KCNQ3: variants seen among roughly 807,000 people sequenced by gnomAD.
The protein encoded by KCNQ3 is potassium voltage-gated channel subfamily Q member 3, also known as potassium voltage-gated channel subfamily KQT member 3.
Under a neutral mutation model 92.5 loss-of-function variants are expected in KCNQ3, and 30 were observed. The observed-to-expected ratio is 0.32, with a 90% CI of 0.24 to 0.44. KCNQ3 has a LOEUF of 0.44. Ranked by LOEUF, KCNQ3 falls within the 20% of genes least tolerant of loss-of-function variation. The pLI is 1.00. For missense variants in KCNQ3, 913 were observed against 1,140.3 expected (o/e 0.80, Z 2.87); for synonymous variants, 450 against 468.8 (o/e 0.96, Z 0.52).
chr8:132,217,284 CTTCA>C, intron 1 of KCNQ3, among the ~76,000 whole-genome samples: 1 of 152,120 alleles, frequency 6.6e-6, no homozygotes, highest in Admixed American at 6.5e-5. Flanking sequence ...AATCAAACTA[CTTCA>C]TTCATTCATT....
intron 1 of KCNQ3, among the ~76,000 whole-genome samples, chr8:132,328,473 C>T (rs1034095461): frequency 5.3e-5 from 8 of 152,122 alleles, no homozygotes; most frequent in African/African-American, 7.2e-5. Context: ...CCCCTGAGTT[C>T]CACCTGACAC....
chr8:132,314,520 G>C (rs978826391), intron 1 of KCNQ3, among the ~76,000 whole-genome samples: 3 of 152,124 alleles, frequency 2.0e-5, no homozygotes, highest in Admixed American at 6.5e-5. Flanking sequence ...AGTAATAAGA[G>C]GGGCCTTGCC....
chr8:132,413,101 C>A (rs1054275391), intron 1 of KCNQ3, among the ~76,000 whole-genome samples: 2 of 152,188 alleles, frequency 1.3e-5, no homozygotes, highest in African/African-American at 4.8e-5. Flanking sequence ...AACTTATCTC[C>A]CATTTCCAAG....
rs184474093 is a variant in KCNQ3, at chr8:132,178,652, C to A, written c.777+1505G>T. Among the ~76,000 whole-genome samples the A allele has an allele frequency of 1.1e-4, 16 of 152,142 alleles. No homozygotes were observed. The East Asian group carries it at 3.1e-3, about 30-fold the overall frequency. ...CAAGTTGCTGTCTGACTCTCAAGCT[C>A]ATATTCTACTCCGAGATGCAATCTC... is the stretch of plus-strand genomic sequence containing the variant. On this transcript the variant is annotated intron_variant, in intron 4 of 14. Coordinates refer to ENST00000388996, the MANE Select transcript of KCNQ3 (RefSeq NM_004519.4).
At chr8:132,195,856 A>G (rs1045550261) in intron 1 of KCNQ3, among the ~76,000 whole-genome samples, 2 of 152,228 alleles carry the variant, frequency 1.3e-5, no homozygotes, top group Admixed American at 1.3e-4. Flanking sequence ...AACTAGAGCT[A>G]GGGTGGCTAT....
intron 9 of KCNQ3, among the ~76,000 whole-genome samples, chr8:132,156,104 T>G (rs1408679654): frequency 6.6e-6 from 1 of 152,042 alleles, no homozygotes; most frequent in Non-Finnish European, 1.5e-5. Context: ...ATTATTTTCT[T>G]CCGGTCTCAT....
chr8:132,265,952 C>T (rs1815967046), intron 1 of KCNQ3, among the ~76,000 whole-genome samples: 1 of 152,154 alleles, frequency 6.6e-6, no homozygotes, highest in Non-Finnish European at 1.5e-5. Context: ...CCCCTGGTGG[C>T]AGGCAAGATA....
intron 1 of KCNQ3, among the ~76,000 whole-genome samples, chr8:132,477,249 A>C (rs542909004): frequency 6.6e-6 from 1 of 152,290 alleles, no homozygotes; most frequent in African/African-American, 2.4e-5. Flanking sequence ...TTGAGGCAAA[A>C]GAAACAAGGT....
chr8:132,462,952 A>C (rs1341680151), intron 1 of KCNQ3, among the ~76,000 whole-genome samples: 1 of 152,020 alleles, frequency 6.6e-6, no homozygotes, highest in East Asian at 1.9e-4. Context: ...ACACACACAC[A>C]CGTATACATA....
chr8:132,433,780 C>T (rs1293203867), intron 1 of KCNQ3, among the ~76,000 whole-genome samples: 1 of 152,166 alleles, frequency 6.6e-6, no homozygotes, highest in Non-Finnish European at 1.5e-5. Context: ...ATTCCAGCTA[C>T]TCAGGAGACT....
intron 1 of KCNQ3, among the ~76,000 whole-genome samples, chr8:132,225,751 C>G (rs544347853): frequency 2.0e-5 from 3 of 152,178 alleles, no homozygotes; most frequent in Admixed American, 6.5e-5. Flanking sequence ...TATTTACCAG[C>G]AGGTCACTAC....
chr8:132,407,861 C>T (rs543707663), intron 1 of KCNQ3, among the ~76,000 whole-genome samples: 5 of 152,232 alleles, frequency 3.3e-5, no homozygotes, highest in African/African-American at 1.2e-4. Context: ...CTCAAGCAGC[C>T]CCCAGACCAC....
intron 1 of KCNQ3, among the ~76,000 whole-genome samples, chr8:132,188,673 T>C (rs570452210): frequency 6.6e-6 from 1 of 152,368 alleles, no homozygotes; most frequent in Non-Finnish European, 1.5e-5. Flanking sequence ...GTCCCAGACA[T>C]AGTACTGGTT....
chr8:132,403,356 A>G (rs1353188682), intron 1 of KCNQ3, among the ~76,000 whole-genome samples: 1 of 151,960 alleles, frequency 6.6e-6, no homozygotes, highest in Non-Finnish European at 1.5e-5. Context: ...GGATGGAGAC[A>G]CTCCCTCAGC....
Position 132,129,197 on chromosome 8 carries a change from G to GTT in KCNQ3, c.*64_*65insAA, listed in dbSNP as rs1055486789. On this transcript the variant is annotated 3_prime_UTR_variant, in exon 15 of 15. Coordinates refer to ENST00000388996, the MANE Select transcript of KCNQ3 (RefSeq NM_004519.4). This position sits in a 1 kb window ranked among gnomAD's most constrained non-coding sequence, Gnocchi z 5.9. ...GTGTCCCCGCTGGTAAGCGTCGGGT[G>GTT]TAAGAGTAAGTGAACTATACAAAGT... 6.3e-7 allele frequency: 1 copy of GTT among 1,576,014 alleles called. No individual in the cohort carries two copies. Among genetic ancestry groups the GTT allele is most frequent in the African/African-American group, 1.3e-5 (1 of 74,488 alleles).
intron 1 of KCNQ3, among the ~76,000 whole-genome samples, chr8:132,228,161 C>G (rs192895823): frequency 6.6e-6 from 1 of 152,284 alleles, no homozygotes; most frequent in East Asian, 1.9e-4. Flanking sequence ...AAGACCCAAA[C>G]AGTTTTGCCT....
At chr8:132,251,592 C>T (rs1815409822) in intron 1 of KCNQ3, among the ~76,000 whole-genome samples, 1 of 152,224 alleles carries the variant, frequency 6.6e-6, no homozygotes, top group Non-Finnish European at 1.5e-5. Flanking sequence ...GAGAGCTTGG[C>T]TGAGCCACCT....
At chr8:132,273,805 C>G (rs1251790188) in intron 1 of KCNQ3, among the ~76,000 whole-genome samples, 1 of 152,212 alleles carries the variant, frequency 6.6e-6, no homozygotes, top group Non-Finnish European at 1.5e-5. Context: ...CCGCAAATCT[C>G]TAGGGGTAAA....
At chr8:132,346,110 T>C (rs570271387) in intron 1 of KCNQ3, among the ~76,000 whole-genome samples, 2 of 152,202 alleles carry the variant, frequency 1.3e-5, no homozygotes, top group South Asian at 4.2e-4. Flanking sequence ...ATGGTGATAA[T>C]AATGGTATGG....
Sources: allele counts gnomAD v4.1 joint callset (sites outside exome capture counted in the v4.1 genomes callset), GRCh38; gene constraint gnomAD v4.1.1; non-coding constraint Gnocchi (gnomAD v3.1); transcripts MANE v1.5; gene names NCBI Gene and HGNC (gene_info 2026-07-23, HGNC 2026-07-21).